Variants in ADAMTS17 observed in about 807,000 individuals in gnomAD.
ADAMTS17 encodes ADAM metallopeptidase with thrombospondin type 1 motif 17.
In ADAMTS17, 113 loss-of-function variants were observed where a neutral mutation model predicts 141.5. The observed-to-expected ratio is 0.80, with a 90% CI of 0.69 to 0.93. ADAMTS17 has a LOEUF of 0.93. ADAMTS17 is among the 40% of genes least tolerant of loss of function. The probability of loss-of-function intolerance (pLI) is 0.00; values close to 1 mark genes in which losing one functional copy is unlikely to be tolerated. For synonymous variants in ADAMTS17, 768 were observed against 630.6 expected, an observed-to-expected ratio of 1.22 and a Z score of -3.27; for missense variants, 1,659 against 1,517.9, an observed-to-expected ratio of 1.09 and a Z score of -1.54.
chr15:100,294,709 A>G (rs2044751095), intron 3 of ADAMTS17, among the ~76,000 whole-genome samples: 1 of 152,154 alleles, frequency 6.6e-6, no homozygotes, highest in Non-Finnish European at 1.5e-5. Context: ...CCTACCTCAA[A>G]ATACCAGTTG....
At chr15:100,240,412 T>C (rs563982285) in intron 7 of ADAMTS17, among the ~76,000 whole-genome samples, 23 of 152,346 alleles carry the variant, frequency 1.5e-4, no homozygotes, top group East Asian at 5.8e-4. Context: ...AAGGATTATT[T>C]TGAGCTGAAA....
chr15:100,115,755 C>A (rs1007179951), intron 13 of ADAMTS17, among the ~76,000 whole-genome samples: 1 of 152,192 alleles, frequency 6.6e-6, no homozygotes, highest in Non-Finnish European at 1.5e-5. Flanking sequence ...CATTCTTCTG[C>A]AAAACACTTT....
At chr15:100,182,867 T>G (rs1045474720) in intron 8 of ADAMTS17, among the ~76,000 whole-genome samples, 1 of 152,268 alleles carries the variant, frequency 6.6e-6, no homozygotes, top group Non-Finnish European at 1.5e-5. Context: ...TATTTGGGAT[T>G]CACTCAGCTT....
At chr15:100,265,519 G>A (rs919898077) in intron 4 of ADAMTS17, among the ~76,000 whole-genome samples, 2 of 152,226 alleles carry the variant, frequency 1.3e-5, no homozygotes, top group African/African-American at 4.8e-5. Context: ...CTAGCAGGGT[G>A]GACCTGCCGC....
chr15:100,327,929 C>G (rs972178849), intron 3 of ADAMTS17, among the ~76,000 whole-genome samples: 5 of 152,188 alleles, frequency 3.3e-5, no homozygotes, highest in African/African-American at 1.2e-4. Flanking sequence ...GCCACCAACC[C>G]TGCTCAGACA....
chr15:100,334,278 G>A (rs2046141431), intron 2 of ADAMTS17, among the ~76,000 whole-genome samples: 1 of 152,186 alleles, frequency 6.6e-6, no homozygotes, highest in Admixed American at 6.5e-5. Context: ...AGATAACAGA[G>A]AACGTCTGTC....
At chr15:100,100,404 C>T (rs2036023482) in intron 14 of ADAMTS17, among the ~76,000 whole-genome samples, 1 of 152,168 alleles carries the variant, frequency 6.6e-6, no homozygotes, top group Admixed American at 6.5e-5. Flanking sequence ...CACTTCTCCC[C>T]TCACTCCACC....
Position 100,132,006 on chromosome 15 carries a change from C to CGG in ADAMTS17, c.1720_1721dup (p.Gly576LeufsTer13). On this transcript the variant is annotated frameshift_variant and splice_region_variant. Transcript: ENST00000268070. LOFTEE classifies it high-confidence loss of function. The stretch of plus-strand genomic sequence containing the variant: ...GGGGTATGGCTGGTCAGGGGACTTA[C>CGG]GGGGGGTTGTCACATTTCCTCTGCC... The CGG allele has an allele frequency of 6.2e-7, 1 of 1,614,092 alleles. No individual in the cohort carries two copies. Among genetic ancestry groups the CGG allele is most frequent in the Non-Finnish European group, 8.5e-7 (1 of 1,180,024 alleles).
chr15:100,201,137 G>T lies in ADAMTS17; in HGVS notation c.1076-1714C>A, dbSNP rs184961784. Among the ~76,000 whole-genome samples, 3 of 152,350 alleles carry T rather than the reference G, an allele frequency of 2.0e-5. No individual in the cohort carries two copies. The South Asian group carries it at 6.2e-4, about 32-fold the overall frequency. ...CTGGTGCAGAGTTCAGCCATACACA[G>T]GGTGGTCCCTCTGATGTGGTGTGGC... On this transcript the variant is annotated intron_variant, in intron 7 of 21. Transcript: ENST00000268070.
chr15:99,989,933 T>C (rs577397257), intron 20 of ADAMTS17, among the ~76,000 whole-genome samples: 1 of 152,314 alleles, frequency 6.6e-6, no homozygotes, highest in East Asian at 1.9e-4. Flanking sequence ...GCAGGGTCAG[T>C]GTTTATGATT....
chr15:100,038,869 G>C (rs1290914651), intron 18 of ADAMTS17, among the ~76,000 whole-genome samples: 1 of 152,248 alleles, frequency 6.6e-6, no homozygotes. Context: ...GAAATAGTAA[G>C]AGCAGATACT....
At chr15:100,251,795 A>G (rs909128985) in intron 7 of ADAMTS17, among the ~76,000 whole-genome samples, 1 of 152,246 alleles carries the variant, frequency 6.6e-6, no homozygotes, top group Non-Finnish European at 1.5e-5. Flanking sequence ...GCTCTAGGCC[A>G]GTATGACTGG....
At chr15:100,048,589 A>ATTT (rs3062438) in intron 18 of ADAMTS17, among the ~76,000 whole-genome samples, 8 of 92,350 alleles carry the variant, frequency 8.7e-5, no homozygotes, top group Non-Finnish European at 1.5e-4. Context: ...GGTGATGGCC[A>ATTT]TTTTTTTTTT....
intron 20 of ADAMTS17, among the ~76,000 whole-genome samples, chr15:99,990,178 G>A (rs2060663118): frequency 6.6e-6 from 1 of 152,150 alleles, no homozygotes; most frequent in Non-Finnish European, 1.5e-5. Context: ...TAAGACTATG[G>A]GCATGTGCCA....
chr15:100,158,587 C>A (rs1317260112), intron 8 of ADAMTS17, among the ~76,000 whole-genome samples: 1 of 149,490 alleles, frequency 6.7e-6, no homozygotes, highest in African/African-American at 2.5e-5. Flanking sequence ...GAGCAGCTCC[C>A]CCTTCCTCCT....
At chr15:100,161,228 G>A (rs1257315185) in intron 8 of ADAMTS17, among the ~76,000 whole-genome samples, 5 of 152,204 alleles carry the variant, frequency 3.3e-5, no homozygotes, top group African/African-American at 9.7e-5. Flanking sequence ...CACAGCACTC[G>A]ACCCCTCCTG....
intron 7 of ADAMTS17, among the ~76,000 whole-genome samples, chr15:100,218,759 T>C (rs921469351): frequency 9.9e-5 from 15 of 152,234 alleles, no homozygotes; most frequent in Middle Eastern, 6.8e-3. Flanking sequence ...CGTGTCCCCA[T>C]AAAAACTCAA....
intron 20 of ADAMTS17, 165 bp from the exon 21 acceptor site, chr15:99,976,387 A>T (rs2060331037): frequency 3.3e-6 from 3 of 908,190 alleles, no homozygotes; most frequent in Non-Finnish European, 3.4e-6. Flanking sequence ...GAGACAGGAC[A>T]GCCTGAGTGG....
Position 100,070,074 on chromosome 15 carries a change from A to T in ADAMTS17, c.2138-16020T>A, listed in dbSNP as rs890102310. 6.7e-5 allele frequency among the ~76,000 whole-genome samples: 10 copies of T among 150,258 alleles called. 1 individual carries two copies. The highest frequency in any genetic ancestry group is 2.0e-4 in the Admixed American group (3 of 15,014). On this transcript the variant is annotated intron_variant, in intron 15 of 21. Transcript: ENST00000268070. ...ATCTACCAAGCAAATGGAAAACAAAAAAAGGCAGGGGTTGCAATCCTAGTC... is the reference window on the plus strand; with the variant it reads ...ATCTACCAAGCAAATGGAAAACAAATAAAGGCAGGGGTTGCAATCCTAGTC...
Sources: allele counts gnomAD v4.1 joint callset (sites outside exome capture counted in the v4.1 genomes callset), GRCh38; gene constraint gnomAD v4.1.1; transcripts MANE v1.5; gene names NCBI Gene and HGNC (gene_info 2026-07-23, HGNC 2026-07-21).